BACH2: variants seen among roughly 807,000 people sequenced by gnomAD.
The protein encoded by BACH2 is BACH transcriptional regulator 2.
BACH2 carries 5 observed loss-of-function variants against 61.8 expected under a neutral mutation model. The ratio of observed to expected loss-of-function variants is 0.08; its 90% CI spans 0.04 to 0.17. The LOEUF (loss-of-function observed/expected upper bound fraction) is 0.17, where lower values mean the gene tolerates loss of function less well. Ranked by LOEUF, BACH2 falls within the 10% of genes least tolerant of loss-of-function variation. The pLI, the probability that BACH2 is intolerant of heterozygous loss-of-function variation, is 1.00. For synonymous variants in BACH2, 446 were observed against 440.1 expected (o/e 1.01, Z -0.17); for missense variants, 824 against 1,091.1 (o/e 0.76, Z 3.45).
At chr6:90,152,271 T>C (rs1221216044) in intron 4 of BACH2, among the ~76,000 whole-genome samples, 1 of 152,256 alleles carries the variant, frequency 6.6e-6, no homozygotes, top group East Asian at 1.9e-4. Flanking sequence ...AGTGCTACAC[T>C]GGCTGCATGC....
intron 4 of BACH2, among the ~76,000 whole-genome samples, chr6:90,195,510 T>G (rs1279073282): frequency 6.6e-6 from 1 of 152,102 alleles, no homozygotes; most frequent in East Asian, 1.9e-4. Context: ...ATCTAGTCTG[T>G]GAGATCAAAG....
At chr6:90,233,739 T>C (rs910842171) in intron 3 of BACH2, among the ~76,000 whole-genome samples, 2 of 152,168 alleles carry the variant, frequency 1.3e-5, no homozygotes, top group African/African-American at 2.4e-5. Context: ...TGGTGGCCAG[T>C]GTAAATCCTA....
In BACH2 at chr6:89,983,873, A is replaced by G. The variant is rs368519141; in HGVS notation, c.243+24729T>C. 2.4e-4 allele frequency among the ~76,000 whole-genome samples: 36 copies of G among 152,276 alleles called. 2 individuals carry two copies. Among genetic ancestry groups the G allele is most frequent in the Middle Eastern group, 3.4e-3 (1 of 294 alleles). ...AAATGTGTTAGAGCCACTTTGTTAG[A>G]ATGGTTATACAGTTATAGGGGATAA... On this transcript the variant is annotated intron_variant, in intron 6 of 8. Coordinates refer to ENST00000257749, the MANE Select transcript of BACH2 (RefSeq NM_021813.4).
intron 5 of BACH2, among the ~76,000 whole-genome samples, chr6:90,041,045 C>T (rs1259771025): frequency 6.6e-6 from 1 of 152,160 alleles, no homozygotes; most frequent in African/African-American, 2.4e-5. Context: ...GTCCTTTTGA[C>T]TTTTTACACT....
chr6:90,242,133 C>A (rs1417387382), intron 3 of BACH2, among the ~76,000 whole-genome samples: 1 of 152,048 alleles, frequency 6.6e-6, no homozygotes, highest in Non-Finnish European at 1.5e-5. Flanking sequence ...CATAAGAGTT[C>A]ACTCTTTATG....
At chr6:90,152,104 C>T (rs2127830209) in intron 4 of BACH2, among the ~76,000 whole-genome samples, 1 of 152,366 alleles carries the variant, frequency 6.6e-6, no homozygotes, top group Non-Finnish European at 1.5e-5. Flanking sequence ...GCTTGGTCAG[C>T]TTCAAATGGC....
chr6:90,002,882 T>C (rs138066444), intron 6 of BACH2, among the ~76,000 whole-genome samples: 3 of 152,326 alleles, frequency 2.0e-5, no homozygotes, highest in Middle Eastern at 3.4e-3. Context: ...ATTCTTCCAA[T>C]AGTTGAGGCC....
intron 5 of BACH2, among the ~76,000 whole-genome samples, chr6:90,064,467 T>C (rs1247381778): frequency 1.3e-5 from 2 of 152,206 alleles, no homozygotes; most frequent in African/African-American, 2.4e-5. Context: ...GATGGGCTGC[T>C]TGCTCTAGGA....
intron 2 of BACH2, among the ~76,000 whole-genome samples, chr6:90,269,329 A>G (rs1771447559): frequency 1.3e-5 from 2 of 152,210 alleles, no homozygotes; most frequent in South Asian, 4.1e-4. Context: ...ACCAAGTTAC[A>G]GTTACCCAGA....
intron 6 of BACH2, among the ~76,000 whole-genome samples, chr6:89,954,173 C>T (rs1774282146): frequency 6.6e-6 from 1 of 152,132 alleles, no homozygotes; most frequent in Admixed American, 6.5e-5. Flanking sequence ...TCCTATGCTC[C>T]TCTGTAATGT....
At chr6:90,059,033 T>C (rs866430862) in intron 5 of BACH2, among the ~76,000 whole-genome samples, 65 of 150,524 alleles carry the variant, frequency 4.3e-4, no homozygotes, top group African/African-American at 1.4e-3. Flanking sequence ...AGAAGAAAAC[T>C]TAGGCATTAC....
intron 4 of BACH2, among the ~76,000 whole-genome samples, chr6:90,093,114 G>A (rs59534166): frequency 0.018 from 2,709 of 152,262 alleles, 71 homozygotes; most frequent in African/African-American, 0.062. Context: ...AAGAAATACC[G>A]AAGAAACTTA....
At chr6:90,191,391 T>C (rs927533217) in intron 4 of BACH2, among the ~76,000 whole-genome samples, 2 of 152,248 alleles carry the variant, frequency 1.3e-5, no homozygotes, top group African/African-American at 4.8e-5. Context: ...TGGAACAAAT[T>C]TTCAACTACT....
chr6:89,968,387 T>C (rs2128360535), intron 6 of BACH2, among the ~76,000 whole-genome samples: 1 of 152,378 alleles, frequency 6.6e-6, no homozygotes, highest in Middle Eastern at 3.4e-3. Flanking sequence ...CTTACACTTC[T>C]TACATGTCCT....
At chr6:90,150,487 T>C (rs916356245) in intron 4 of BACH2, among the ~76,000 whole-genome samples, 5 of 152,210 alleles carry the variant, frequency 3.3e-5, no homozygotes, top group African/African-American at 9.7e-5. Context: ...CTACGGCCAC[T>C]TCATTACTTC....
At chr6:90,194,653 T>C (rs1768694109) in intron 4 of BACH2, among the ~76,000 whole-genome samples, 1 of 152,180 alleles carries the variant, frequency 6.6e-6, no homozygotes. Flanking sequence ...TCCAAACTGT[T>C]AGGGAACAGG....
intron 4 of BACH2, among the ~76,000 whole-genome samples, chr6:90,113,729 T>C (rs542124368): frequency 1.3e-5 from 2 of 151,956 alleles, no homozygotes; most frequent in East Asian, 3.9e-4. Flanking sequence ...AAAATATCAA[T>C]GAATCCAGGA....
chr6:89,950,751 C>T lies in BACH2; in HGVS notation c.1355G>A (p.Ser452Asn). ...STSVHSYSGV[S>N]SLDKDLSEPV... is the part of the protein sequence containing the mutation. ...CTCAGAGAGGTCTTTGTCCAAACTG[C>T]TCACCCCAGAATAAGAATGCACCGA... Residue 452 changes from serine to asparagine, a missense_variant, in exon 7 of 9, where the codon AGC becomes AAC. Around this residue, in one of 8 missense-constraint regions of BACH2, gnomAD observed 102 missense variants for 98.1 expected, o/e 1.04. Coordinates refer to ENST00000257749, the MANE Select transcript of BACH2 (RefSeq NM_021813.4). The surrounding 1 kb of genome is among the most constrained non-coding windows in gnomAD (Gnocchi z 5.3). 1.2e-6 allele frequency: 2 copies of T among 1,614,206 alleles called. No individual in the cohort carries two copies. The highest frequency in any genetic ancestry group is 1.7e-6 in the Non-Finnish European group (2 of 1,180,044).
chr6:89,947,800 C>T (rs112664438), intron 7 of BACH2, among the ~76,000 whole-genome samples: 26,100 of 151,794 alleles, frequency 0.17, 2,433 homozygotes, highest in Middle Eastern at 0.26. Flanking sequence ...CTCGATCTCC[C>T]GACCTTGTGA....
Sources: allele counts gnomAD v4.1 joint callset (sites outside exome capture counted in the v4.1 genomes callset), GRCh38; gene constraint gnomAD v4.1.1; regional missense constraint gnomAD v4.1.1; non-coding constraint Gnocchi (gnomAD v3.1); transcripts MANE v1.5; gene names NCBI Gene and HGNC (gene_info 2026-07-23, HGNC 2026-07-21).